PADI1: variants seen among roughly 807,000 people sequenced by gnomAD.
PADI1 encodes the protein protein-arginine deiminase type-1.
A neutral mutation model predicts 74.8 loss-of-function variants in PADI1; 65 were observed. The observed-to-expected ratio is 0.87, with a 90% CI of 0.71 to 1.07. PADI1 has a LOEUF of 1.07. PADI1 is among the 50% of genes least tolerant of loss of function. The pLI is 0.00. For synonymous variants in PADI1, 371 were observed against 336.2 expected (o/e 1.10, Z -1.13); for missense variants, 943 against 854.0 (o/e 1.10, Z -1.30).
Position 17,244,129 on chromosome 1 carries a change from C to G in PADI1, c.1878C>G (p.His626Gln). 1 of 1,614,228 alleles carries G rather than the reference C, an allele frequency of 6.2e-7. No homozygotes were observed. The highest frequency in any genetic ancestry group is 1.1e-5 in the South Asian group (1 of 91,078). The change falls in exon 16 of 16, where the codon CAC becomes CAG. Residue 626 changes from histidine to glutamine, a missense_variant. Transcript: ENST00000375471. ...CCCTGCTGGAGCCTCTGGGCCTGCA[C>G]TGCATCTTCATTGATGACTACTTGT... ...VQSLLEPLGLHCIFIDDYLSY... is the reference protein window; with the variant it reads ...VQSLLEPLGLQCIFIDDYLSY...
At chr1:17,210,284 G>C (rs1268903467) in intron 1 of PADI1, among the ~76,000 whole-genome samples, 2 of 152,040 alleles carry the variant, frequency 1.3e-5, no homozygotes, top group African/African-American at 4.8e-5. Flanking sequence ...AGCCCCCCAA[G>C]TAGCTAGGAT....
At chr1:17,212,845 A>T (rs1315891607) in intron 1 of PADI1, among the ~76,000 whole-genome samples, 1 of 151,486 alleles carries the variant, frequency 6.6e-6, no homozygotes, top group Non-Finnish European at 1.5e-5. Context: ...CACAGGCACC[A>T]CCCCCCTCGC....
chr1:17,244,087 G>C lies in PADI1; in HGVS notation c.1836G>C (p.Leu612=). 2 of 1,614,258 alleles carry C rather than the reference G, an allele frequency of 1.2e-6. No individual in the cohort carries two copies. Among genetic ancestry groups the C allele is most frequent in the Non-Finnish European group, 1.7e-6 (2 of 1,180,042 alleles). Residue 612 remains leucine, a synonymous_variant, in exon 16 of 16, where the codon CTG becomes CTC. Coordinates refer to ENST00000375471, the MANE Select transcript of PADI1 (RefSeq NM_013358.3). ...YGPIINGRCC[L]EEKVQSLLEP... is the part of the protein sequence containing the mutation. ...CCATCATCAATGGCCGCTGCTGCCT[G>C]GAGGAGAAGGTGCAGTCCCTGCTGG... is the stretch of plus-strand genomic sequence containing the variant.
rs200141204 is a variant in PADI1 at position 17,222,364 on chromosome 1, G to A, written c.167G>A (p.Arg56His). 3.3e-5 allele frequency: 54 copies of A among 1,613,620 alleles called. No individual in the cohort carries two copies. Among genetic ancestry groups the A allele is most frequent in the Admixed American group, 2.8e-4 (17 of 60,004 alleles). Residue 56 changes from arginine to histidine, a missense_variant, in exon 2 of 16, where the codon CGC (arginine) becomes CAC (histidine). Arg to His is a conservative substitution (Grantham distance 29). Transcript: ENST00000375471. Reference protein sequence around the residue: ...SGVEVFMVYNRTRVKEPIGKA... With the variant: ...SGVEVFMVYNHTRVKEPIGKA... ...GTGGAGGTCTTCATGGTCTACAACC[G>A]CACACGTGTGAAAGAGCCCATAGGC...
chr1:17,233,104 A>G (rs3750295), intron 11 of PADI1, 134 bp downstream of exon 11: 1 of 833,104 alleles, frequency 1.2e-6, no homozygotes, highest in Non-Finnish European at 1.8e-6. Flanking sequence ...TCCTGGAATC[A>G]AAGACTCGGC....
intron 1 of PADI1, among the ~76,000 whole-genome samples, chr1:17,220,342 G>A (rs1238093443): frequency 2.0e-5 from 3 of 152,192 alleles, no homozygotes; most frequent in Non-Finnish European, 4.4e-5. Context: ...AGTGATCATG[G>A]CAGAGGTTGT....
At chr1:17,226,899 A>C (rs375411881) in intron 6 of PADI1, among the ~76,000 whole-genome samples, 46 of 152,164 alleles carry the variant, frequency 3.0e-4, no homozygotes, top group African/African-American at 1.0e-3. Context: ...AAATACAAAA[A>C]AATTAGCCAG....
At position 17,228,970 on chromosome 1, in the gene PADI1, T is replaced by C; in HGVS notation, c.848T>C (p.Phe283Ser). Residue 283 changes from phenylalanine (F) to serine (S), a missense_variant, in exon 8 of 16, where the codon TTC becomes TCC. Phe to Ser is a radical substitution (Grantham distance 155, BLOSUM62 -2). Coordinates refer to ENST00000375471, the MANE Select transcript of PADI1 (RefSeq NM_013358.3). ...DPGTLPEVTL[F>S]TDTVGFRMAP... is the part of the protein sequence containing the mutation. ...CAGACCCTGCCCGAGGTGACCCTCT[T>C]CACAGACACTGTGGGCTTCCGCATG... 1 of 1,600,168 alleles carries C rather than the reference T, an allele frequency of 6.2e-7. No individual in the cohort carries two copies. The highest frequency in any genetic ancestry group is 1.1e-5 in the South Asian group (1 of 89,360).
rs546109096 is a variant in PADI1, at chr1:17,208,697, CT to C, written c.92+3389del. ...CACCCCAGTGGGCTAGCTCACCACC[CT>C]GATTCCCTGGATCTGGCCAGACTGC... On this transcript the variant is annotated intron_variant, in intron 1 of 15. Coordinates refer to ENST00000375471, the MANE Select transcript of PADI1 (RefSeq NM_013358.3). Among the ~76,000 whole-genome samples, 102 of 152,332 alleles carry C rather than the reference CT, an allele frequency of 6.7e-4. 1 individual carries two copies. Among genetic ancestry groups the C allele is most frequent in the South Asian group, 1.9e-3 (9 of 4,826 alleles).
intron 6 of PADI1, 108 bp from the exon 7 acceptor site, chr1:17,228,517 G>A: frequency 8.7e-7 from 1 of 1,153,448 alleles, no homozygotes; most frequent in Non-Finnish European, 1.3e-6. Context: ...CAGAGCCAGA[G>A]AGGAACCCAA....
intron 6 of PADI1, among the ~76,000 whole-genome samples, chr1:17,227,422 T>C (rs544534778): frequency 1.3e-5 from 2 of 150,428 alleles, no homozygotes; most frequent in East Asian, 3.9e-4. Context: ...TCCCAGCTAC[T>C]CTGAAGGCTG....
chr1:17,228,182 G>A (rs958951609), intron 6 of PADI1, among the ~76,000 whole-genome samples: 1 of 152,054 alleles, frequency 6.6e-6, no homozygotes, highest in African/African-American at 2.4e-5. Context: ...TGTAGAGATG[G>A]GGTCTCCCTA....
At chr1:17,206,559 G>A (rs1296450994) in intron 1 of PADI1, among the ~76,000 whole-genome samples, 1 of 152,080 alleles carries the variant, frequency 6.6e-6, no homozygotes, top group East Asian at 1.9e-4. Flanking sequence ...TAAAAATACA[G>A]GATGCCTGGT....
chr1:17,210,885 C>T (rs2071817079), intron 1 of PADI1, among the ~76,000 whole-genome samples: 1 of 152,212 alleles, frequency 6.6e-6, no homozygotes, highest in South Asian at 2.1e-4. Context: ...CTCAAGGAAC[C>T]TCCTGTGGTC....
Position 17,225,430 on chromosome 1 carries a change from C to A in PADI1, c.409-381C>A, listed in dbSNP as rs531411398. Among the ~76,000 whole-genome samples, 164 of 152,288 alleles carry A rather than the reference C, an allele frequency of 1.1e-3. 1 individual carries two copies. The highest frequency in any genetic ancestry group is 3.4e-3 in the Middle Eastern group (1 of 294). Reference sequence around the variant, plus strand: ...GAGTGCTGGGATGGGAAGGGTCTCCCAAAGATTCTCCAGATCCCGACCCTC... The same window carrying A: ...GAGTGCTGGGATGGGAAGGGTCTCCAAAAGATTCTCCAGATCCCGACCCTC... On this transcript the variant is annotated intron_variant, in intron 4 of 15. Transcript: ENST00000375471.
At chr1:17,243,226 G>T (rs2100537262) in intron 15 of PADI1, among the ~76,000 whole-genome samples, 1 of 152,306 alleles carries the variant, frequency 6.6e-6, no homozygotes, top group Non-Finnish European at 1.5e-5. Flanking sequence ...CAGCATGGGG[G>T]AGAATTCCCA....
rs1050150097 is a variant in PADI1, at chr1:17,235,112, G to A, written c.1313+2142G>A. The stretch of plus-strand genomic sequence containing the variant: ...AGCCTAGGTGACAGAGCAATACTCC[G>A]TCTAAACAAACAAATAAATGAAGGA... On this transcript the variant is annotated intron_variant, in intron 11 of 15. Coordinates refer to ENST00000375471, the MANE Select transcript of PADI1 (RefSeq NM_013358.3). 5.0e-5 allele frequency among the ~76,000 whole-genome samples: 7 copies of A among 139,944 alleles called. 1 individual carries two copies. The highest frequency in any genetic ancestry group is 5.1e-4 in the South Asian group (2 of 3,918). The allele number at this position is 139,944 out of a possible 152,430, so 91.8% of individuals were successfully genotyped here. A position where few individuals can be genotyped will look rare whatever the true frequency, so the allele number is the denominator to read the frequency against.
rs765679282 is a variant in PADI1 at position 17,230,527 on chromosome 1, C to G, written c.1054-45C>G. ...GTGGGGACCACCCTGTTCTGTAAAC[C>G]ACCCGAAAAAGGTCACTGTGGCTTT... On this transcript the variant is annotated intron_variant, in intron 9 of 15. Transcript: ENST00000375471. 2.2e-6 allele frequency: 3 copies of G among 1,384,264 alleles called. No homozygotes were observed. In the East Asian group the frequency reaches 7.0e-5, roughly 32 times the overall value. 85.7% of individuals were successfully genotyped at this position (1,384,264 alleles called of 1,614,324 possible).
intron 12 of PADI1, 37 bp downstream of exon 12, chr1:17,237,495 C>G (rs1198731596): frequency 6.4e-7 from 1 of 1,566,820 alleles, no homozygotes; most frequent in Non-Finnish European, 8.7e-7. Context: ...CCACCTCTGC[C>G]CTTGTCTGAC....
Sources: gnomAD v4.1 joint callset for allele counts (sites outside exome capture counted in the v4.1 genomes callset) on GRCh38, gnomAD v4.1.1 for gene constraint, MANE v1.5 for transcripts, NCBI Gene and HGNC (gene_info 2026-07-23, HGNC 2026-07-21) for gene names.